Variants in OPCML observed in about 807,000 individuals in gnomAD.
OPCML encodes opioid-binding protein/cell adhesion molecule.
Under a neutral mutation model 37.8 loss-of-function variants are expected in OPCML, and 13 were observed. That is an observed-to-expected ratio of 0.34 (90% CI 0.22 to 0.55). OPCML has a LOEUF of 0.55. Ranked by LOEUF, OPCML falls within the 20% of genes least tolerant of loss-of-function variation. The probability of loss-of-function intolerance (pLI) is 0.91; values close to 1 mark genes in which losing one functional copy is unlikely to be tolerated. For missense variants in OPCML, 341 were observed against 435.6 expected (o/e 0.78, Z 1.93); for synonymous variants, 176 against 168.8 (o/e 1.04, Z -0.33).
chr11:132,710,354 T>C (rs187801572), intron 2 of OPCML, among the ~76,000 whole-genome samples: 1 of 152,270 alleles, frequency 6.6e-6, no homozygotes, highest in East Asian at 1.9e-4. Flanking sequence ...TTCTTAAAAG[T>C]TGGAGTCATC....
intron 1 of OPCML, among the ~76,000 whole-genome samples, chr11:133,053,640 C>T (rs573380847): frequency 2.0e-3 from 305 of 152,290 alleles, no homozygotes; most frequent in Middle Eastern, 3.4e-3. Context: ...TCTTGAAGCA[C>T]TTTTCTCAAC....
chr11:132,736,597 C>G (rs1361693457), intron 2 of OPCML, among the ~76,000 whole-genome samples: 1 of 152,194 alleles, frequency 6.6e-6, no homozygotes, highest in African/African-American at 2.4e-5. Context: ...GAAGTTACAT[C>G]ATAAAAGACA....
chr11:133,200,722 TTA>T (rs1351169243), intron 1 of OPCML, among the ~76,000 whole-genome samples: 1 of 152,218 alleles, frequency 6.6e-6, no homozygotes, highest in African/African-American at 2.4e-5. Context: ...TCCCATGTCA[TTA>T]TATGTAGAAG....
intron 4 of OPCML, among the ~76,000 whole-genome samples, chr11:132,475,438 T>G (rs1023365924): frequency 3.3e-5 from 5 of 152,284 alleles, no homozygotes; most frequent in African/African-American, 2.4e-5. Context: ...AGAATATGAC[T>G]GTTTGGAGAC....
chr11:133,439,360 A>G, intron 1 of OPCML: 1 of 985,148 alleles, frequency 1.0e-6, no homozygotes, highest in Non-Finnish European at 1.2e-6. Flanking sequence ...AAACTCCACC[A>G]TGCCACACCT....
intron 1 of OPCML, among the ~76,000 whole-genome samples, chr11:133,021,022 A>G (rs1947441077): frequency 6.6e-6 from 1 of 152,210 alleles, no homozygotes; most frequent in Admixed American, 6.5e-5. Flanking sequence ...ACCCTGGCTC[A>G]TTCATTGATG....
intron 1 of OPCML, among the ~76,000 whole-genome samples, chr11:133,438,142 C>T (rs1000383576): frequency 6.6e-6 from 1 of 152,090 alleles, no homozygotes; most frequent in Non-Finnish European, 1.5e-5. Flanking sequence ...ACTAAAATCC[C>T]AGATGTTCTC....
At chr11:133,358,798 A>AT (rs1012409058) in intron 1 of OPCML, among the ~76,000 whole-genome samples, 2 of 152,088 alleles carry the variant, frequency 1.3e-5, no homozygotes, top group Non-Finnish European at 2.9e-5. Flanking sequence ...AGAGCCCTGA[A>AT]TGGGGGGAAG....
chr11:133,426,021 T>C (rs1159322803), intron 1 of OPCML, among the ~76,000 whole-genome samples: 2 of 152,216 alleles, frequency 1.3e-5, no homozygotes, highest in Admixed American at 6.5e-5. Context: ...ACTCCTCATA[T>C]ACTTTTGTTC....
rs771249293 is a variant in OPCML at position 133,532,428 on chromosome 11, T to A, written c.-104A>T. The A allele has an allele frequency of 7.1e-6, 10 of 1,407,910 alleles. No individual in the cohort carries two copies. The highest frequency in any genetic ancestry group is 9.8e-6 in the Non-Finnish European group (10 of 1,019,000). The allele number at this position is 1,407,910 out of a possible 1,614,324, so 87.2% of individuals were successfully genotyped here. On this transcript the variant is annotated 5_prime_UTR_variant, in exon 1 of 8. Transcript: ENST00000524381. ...GAATTCTGAGCAGGTTTAAATCCAATGTTTGCAAAGGGAGGGAGAGAGCAG... is the reference window on the plus strand; with the variant it reads ...GAATTCTGAGCAGGTTTAAATCCAAAGTTTGCAAAGGGAGGGAGAGAGCAG...
intron 3 of OPCML, among the ~76,000 whole-genome samples, chr11:132,630,689 T>C (rs1450972068): frequency 3.9e-5 from 6 of 152,144 alleles, no homozygotes; most frequent in Admixed American, 3.9e-4. Context: ...AGTATAAAAA[T>C]GTACAATGAT....
rs75887365 is a variant in OPCML at position 132,487,601 on chromosome 11, C to T, written c.505+41460G>A. Among the ~76,000 whole-genome samples the T allele has an allele frequency of 7.9e-3, 1,206 of 152,282 alleles. 12 individuals are homozygous for T. The highest frequency in any genetic ancestry group is 0.027 in the African/African-American group (1,137 of 41,542). ...GCTTCCCTTAGTAGACTCTCCTCTC[C>T]CTTCCTCTTTGCTACTATGAATGAC... On this transcript the variant is annotated intron_variant, in intron 4 of 7. Coordinates refer to ENST00000524381, the MANE Select transcript of OPCML (RefSeq NM_001012393.5).
intron 2 of OPCML, among the ~76,000 whole-genome samples, chr11:132,721,191 A>T (rs757535529): frequency 2.6e-5 from 4 of 152,198 alleles, no homozygotes; most frequent in Non-Finnish European, 5.9e-5. Context: ...AACTTTGTCC[A>T]AGCCAACTGG....
At chr11:133,270,891 C>T (rs544618170) in intron 1 of OPCML, among the ~76,000 whole-genome samples, 1 of 152,110 alleles carries the variant, frequency 6.6e-6, no homozygotes, top group Non-Finnish European at 1.5e-5. Flanking sequence ...TATACAAGGC[C>T]CAGAGAGATT....
Position 132,415,546 on chromosome 11 carries a change from G to A in OPCML, c.*4647C>T, listed in dbSNP as rs1438859014. 3.3e-5 allele frequency: 5 copies of A among 152,158 alleles called. No homozygotes were observed. The highest frequency in any genetic ancestry group is 9.7e-5 in the African/African-American group (4 of 41,436). 9.4% of individuals were successfully genotyped at this position (152,158 alleles called of 1,614,324 possible). On this transcript the variant is annotated 3_prime_UTR_variant, in exon 8 of 8. Coordinates refer to ENST00000524381, the MANE Select transcript of OPCML (RefSeq NM_001012393.5). ...CATAGAATGTAGCCTCAAAAGGATGGTCGAGGGTTCGCAATCTTTCTTTCT... is the reference window on the plus strand; with the variant it reads ...CATAGAATGTAGCCTCAAAAGGATGATCGAGGGTTCGCAATCTTTCTTTCT...
At chr11:132,767,534 T>C (rs11822374) in intron 2 of OPCML, among the ~76,000 whole-genome samples, 15,139 of 152,240 alleles carry the variant, frequency 0.099, 867 homozygotes, top group African/African-American at 0.14. Context: ...CTGGCAGTCA[T>C]GGGGACTGAC....
chr11:133,232,674 T>G (rs1253122267), intron 1 of OPCML, among the ~76,000 whole-genome samples: 3 of 152,172 alleles, frequency 2.0e-5, no homozygotes, highest in Admixed American at 1.3e-4. Flanking sequence ...GAGAAGACAT[T>G]GTGACATTGC....
intron 1 of OPCML, among the ~76,000 whole-genome samples, chr11:133,018,817 C>A (rs746962502): frequency 1.3e-5 from 2 of 152,210 alleles, no homozygotes; most frequent in Admixed American, 1.3e-4. Context: ...CAGCAACATG[C>A]CTCAAAGGCG....
At chr11:132,744,040 G>A (rs1263916317) in intron 2 of OPCML, among the ~76,000 whole-genome samples, 2 of 152,174 alleles carry the variant, frequency 1.3e-5, no homozygotes, top group African/African-American at 4.8e-5. Flanking sequence ...TGGCATTTGT[G>A]TCTACCCTGG....
Sources: allele counts gnomAD v4.1 joint callset (sites outside exome capture counted in the v4.1 genomes callset), GRCh38; gene constraint gnomAD v4.1.1; transcripts MANE v1.5; gene names NCBI Gene and HGNC (gene_info 2026-07-23, HGNC 2026-07-21).